The following PELI2 variants were observed in gnomAD, a reference collection of about 807,000 sequenced individuals.
PELI2 encodes the protein E3 ubiquitin-protein ligase pellino homolog 2.
A neutral mutation model predicts 42.3 loss-of-function variants in PELI2; 23 were observed. The observed-to-expected ratio is 0.54, with a 90% confidence interval of 0.39 to 0.77. PELI2 has a LOEUF of 0.77. Among genes scored for constraint, PELI2 ranks in the 30% least tolerant of loss-of-function variants. The probability of loss-of-function intolerance (pLI) is 0.00; values close to 1 mark genes in which losing one functional copy is unlikely to be tolerated. For synonymous variants in PELI2, 245 were observed against 212.2 expected, an observed-to-expected ratio of 1.15 and a Z score of -1.34; for missense variants, 463 against 553.2, an observed-to-expected ratio of 0.84 and a Z score of 1.64.
At chr14:56,134,036 T>G (rs1033019924) in intron 1 of PELI2, among the ~76,000 whole-genome samples, 3 of 152,230 alleles carry the variant, frequency 2.0e-5, no homozygotes, top group African/African-American at 7.2e-5. Flanking sequence ...AATGCTTAGT[T>G]TATTTATATT....
chr14:56,259,827 A>G (rs570905925), intron 2 of PELI2, among the ~76,000 whole-genome samples: 1 of 152,290 alleles, frequency 6.6e-6, no homozygotes, highest in South Asian at 2.1e-4. Context: ...GTTCTTCTAT[A>G]TTAGCAATAA....
chr14:56,299,317 C>A lies in PELI2; in HGVS notation c.*2151C>A, dbSNP rs1186469557. The A allele has an allele frequency of 2.0e-5, 3 of 152,224 alleles. No individual in the cohort carries two copies. The highest frequency in any genetic ancestry group is 4.4e-5 in the Non-Finnish European group (3 of 68,046). The allele number at this position is 152,224 out of a possible 1,614,324, so 9.4% of individuals were successfully genotyped here. A position where few individuals can be genotyped will look rare whatever the true frequency, so the allele number is the denominator to read the frequency against. On this transcript the variant is annotated 3_prime_UTR_variant, in exon 6 of 6. Coordinates refer to ENST00000267460, the MANE Select transcript of PELI2 (RefSeq NM_021255.3). ...TGACATATCCCCCAAAATGAAGTTA[C>A]CTTCCAAGTTGGACACGTCCCGTAG...
intron 2 of PELI2, among the ~76,000 whole-genome samples, chr14:56,214,384 A>T (rs963198449): frequency 2.0e-5 from 3 of 152,198 alleles, no homozygotes; most frequent in Non-Finnish European, 4.4e-5. Context: ...TGTTGGTGGT[A>T]TTCACAGGTT....
At chr14:56,229,686 C>A (rs1353349730) in intron 2 of PELI2, among the ~76,000 whole-genome samples, 1 of 152,178 alleles carries the variant, frequency 6.6e-6, no homozygotes, top group Non-Finnish European at 1.5e-5. Flanking sequence ...CAGAGTGCCT[C>A]TTCTCCCCCA....
intron 2 of PELI2, among the ~76,000 whole-genome samples, chr14:56,269,293 A>G (rs1278796225): frequency 6.6e-6 from 1 of 152,008 alleles, no homozygotes; most frequent in Non-Finnish European, 1.5e-5. Flanking sequence ...AATACAAAAA[A>G]TTAGCTGGGT....
In PELI2 at chr14:56,296,730, A is replaced by G; in HGVS notation, c.827A>G (p.Glu276Gly). 1 of 1,614,078 alleles carries G rather than the reference A, an allele frequency of 6.2e-7. No individual in the cohort carries two copies. Among genetic ancestry groups the G allele is most frequent in the Non-Finnish European group, 8.5e-7 (1 of 1,180,016 alleles). ...AAGCACATAGAAGCCCTCCGGCAGGAGATTAACGCCGCCCGGCCTCAGTGT... is the reference window on the plus strand; with the variant it reads ...AAGCACATAGAAGCCCTCCGGCAGGGGATTAACGCCGCCCGGCCTCAGTGT... The part of the protein sequence containing the change: ...TQKHIEALRQ[E>G]INAARPQCPV... Residue 276 changes from glutamate to glycine, a missense_variant, in exon 6 of 6, where the codon GAG becomes GGG. Physicochemically the swap from Glu to Gly is moderately conservative, Grantham distance 98. This residue lies in a region of PELI2 where 343 missense variants were observed against 378.4 expected (regional missense o/e 0.91). Transcript: ENST00000267460.
rs143203510 is a variant in PELI2, at chr14:56,212,122, G to C, written c.207+33658G>C. On this transcript the variant is annotated intron_variant, in intron 2 of 5. Transcript: ENST00000267460. ...AAAGAAGAGCAAGACAGTGAAAATA[G>C]CTGGGGGAAAAATAGGACAGAGACC... Among the ~76,000 whole-genome samples the C allele has an allele frequency of 1.9e-3, 283 of 152,312 alleles. 1 individual carries two copies. Among genetic ancestry groups the C allele is most frequent in the African/African-American group, 6.4e-3 (267 of 41,560 alleles).
At chr14:56,149,886 T>C (rs1884273453) in intron 1 of PELI2, among the ~76,000 whole-genome samples, 1 of 152,248 alleles carries the variant, frequency 6.6e-6, no homozygotes, top group Admixed American at 6.5e-5. Flanking sequence ...ATATAGAACA[T>C]GCATTTTTCC....
At chr14:56,158,488 C>T (rs1884646053) in intron 1 of PELI2, among the ~76,000 whole-genome samples, 1 of 151,932 alleles carries the variant, frequency 6.6e-6, no homozygotes, top group African/African-American at 2.4e-5. Flanking sequence ...ACTACAAGTG[C>T]ATGCCACCAC....
At chr14:56,182,261 A>ATT (rs895957398) in intron 2 of PELI2, among the ~76,000 whole-genome samples, 4 of 152,108 alleles carry the variant, frequency 2.6e-5, no homozygotes, top group Admixed American at 1.3e-4. Context: ...TGGCTGGAAA[A>ATT]TTTGGATTTT....
chr14:56,162,725 C>T (rs1180277607), intron 1 of PELI2, among the ~76,000 whole-genome samples: 1 of 152,200 alleles, frequency 6.6e-6, no homozygotes, highest in Non-Finnish European at 1.5e-5. Flanking sequence ...ACATTCCCAA[C>T]AACAATGTAC....
At chr14:56,274,739 A>G (rs945664344) in intron 2 of PELI2, among the ~76,000 whole-genome samples, 2 of 152,234 alleles carry the variant, frequency 1.3e-5, no homozygotes, top group Admixed American at 6.5e-5. Context: ...CTGTGACACA[A>G]GCAGCATAGC....
chr14:56,158,868 A>T (rs1463516727), intron 1 of PELI2, among the ~76,000 whole-genome samples: 1 of 152,234 alleles, frequency 6.6e-6, no homozygotes, highest in Non-Finnish European at 1.5e-5. Context: ...GGAAAGAAAA[A>T]TAAAAGACAT....
chr14:56,225,349 T>C (rs1202334502), intron 2 of PELI2, among the ~76,000 whole-genome samples: 1 of 152,020 alleles, frequency 6.6e-6, no homozygotes, highest in Non-Finnish European at 1.5e-5. Flanking sequence ...GAGCTCCGAC[T>C]GAGTACAGCG....
intron 1 of PELI2, among the ~76,000 whole-genome samples, chr14:56,145,837 A>G (rs535389539): frequency 5.9e-5 from 9 of 152,328 alleles, no homozygotes; most frequent in African/African-American, 1.9e-4. Context: ...TCAAAGGGAA[A>G]ACAATTATCT....
chr14:56,246,064 A>T (rs11852126), intron 2 of PELI2, among the ~76,000 whole-genome samples: 61,340 of 151,970 alleles, frequency 0.4, 13,100 homozygotes, highest in South Asian at 0.53. Flanking sequence ...GCCATAGATC[A>T]TATAAATCTT....
Position 56,297,957 on chromosome 14 carries a change from A to T in PELI2, c.*791A>T, listed in dbSNP as rs916260907. The T allele has an allele frequency of 1.3e-5, 2 of 152,094 alleles. No homozygotes were observed. The highest frequency in any genetic ancestry group is 2.9e-5 in the Non-Finnish European group (2 of 68,010). The allele number at this position is 152,094 out of a possible 1,614,324, so 9.4% of individuals were successfully genotyped here. Reference sequence around the variant, plus strand: ...TGATTAAAATACATCAGCTCTTAAAAACTCATTAACTGAGGGTAATTACAG... The same window carrying T: ...TGATTAAAATACATCAGCTCTTAAATACTCATTAACTGAGGGTAATTACAG... On this transcript the variant is annotated 3_prime_UTR_variant, in exon 6 of 6. Transcript: ENST00000267460.
chr14:56,290,489 C>T (rs370235654), intron 5 of PELI2, 33 bp downstream of exon 5: 134 of 1,488,858 alleles, frequency 9.0e-5, no homozygotes, highest in Non-Finnish European at 1.1e-4. Flanking sequence ...GTGTGAAGTA[C>T]GAAACTACTC....
At chr14:56,248,191 T>G (rs779849281) in intron 2 of PELI2, among the ~76,000 whole-genome samples, 28 of 152,188 alleles carry the variant, frequency 1.8e-4, no homozygotes, top group Non-Finnish European at 2.9e-4. Flanking sequence ...AGTCCAAAAA[T>G]AATTTTCAGC....
Sources: gnomAD v4.1 joint callset for allele counts (sites outside exome capture counted in the v4.1 genomes callset) on GRCh38, gnomAD v4.1.1 for gene constraint, gnomAD v4.1.1 regional missense constraint, MANE v1.5 for transcripts, NCBI Gene and HGNC (gene_info 2026-07-23, HGNC 2026-07-21) for gene names.